The following KCNIP4 variants were observed in gnomAD, a reference collection of about 807,000 sequenced individuals.
The protein encoded by KCNIP4 is Kv channel-interacting protein 4.
Under a neutral mutation model 34.0 loss-of-function variants are expected in KCNIP4, and 12 were observed. That is an observed-to-expected ratio of 0.35 (90% CI 0.23 to 0.57). KCNIP4 has a LOEUF of 0.57. KCNIP4 is among the 20% of genes least tolerant of loss of function. The pLI, the probability that KCNIP4 is intolerant of heterozygous loss-of-function variation, is 0.83. For synonymous variants in KCNIP4, 124 were observed against 102.2 expected, an observed-to-expected ratio of 1.21 and a Z score of -1.29; for missense variants, 238 against 311.7, an observed-to-expected ratio of 0.76 and a Z score of 1.78.
intron 3 of KCNIP4, among the ~76,000 whole-genome samples, chr4:20,790,449 A>T (rs542224048): frequency 1.3e-5 from 2 of 152,224 alleles, no homozygotes; most frequent in Non-Finnish European, 2.9e-5. Context: ...AAACATTTTA[A>T]TTTTTAAAAG....
chr4:20,904,482 C>T (rs551652201), intron 1 of KCNIP4, among the ~76,000 whole-genome samples: 8 of 151,922 alleles, frequency 5.3e-5, no homozygotes, highest in African/African-American at 1.4e-4. Flanking sequence ...AATAATTAAA[C>T]AGTATAATTT....
At chr4:21,235,064 T>C (rs1759253852) in intron 1 of KCNIP4, among the ~76,000 whole-genome samples, 1 of 152,132 alleles carries the variant, frequency 6.6e-6, no homozygotes. Context: ...ATAACTACTA[T>C]AACATAAAAG....
intron 2 of KCNIP4, among the ~76,000 whole-genome samples, chr4:20,865,862 GT>G (rs1383132125): frequency 6.6e-6 from 1 of 151,952 alleles, no homozygotes; most frequent in African/African-American, 2.4e-5. Flanking sequence ...ATAAAAATGG[GT>G]AACTATCTGA....
chr4:21,123,536 C>G (rs985490271), intron 1 of KCNIP4, among the ~76,000 whole-genome samples: 12 of 152,136 alleles, frequency 7.9e-5, no homozygotes, highest in African/African-American at 2.9e-4. Flanking sequence ...ATATCTATCA[C>G]TATTTACTAT....
At chr4:21,854,838 A>C (rs942959632) in intron 1 of KCNIP4, among the ~76,000 whole-genome samples, 3 of 152,202 alleles carry the variant, frequency 2.0e-5, no homozygotes, top group Non-Finnish European at 4.4e-5. Flanking sequence ...TAAGAGTGCT[A>C]ATACAACATT....
intron 1 of KCNIP4, among the ~76,000 whole-genome samples, chr4:21,588,689 G>T (rs1322504678): frequency 6.6e-6 from 1 of 151,864 alleles, no homozygotes; most frequent in Non-Finnish European, 1.5e-5. Flanking sequence ...GGTAATGGAA[G>T]GAACAATAAC....
At chr4:21,301,042 T>C (rs1430405510) in intron 1 of KCNIP4, among the ~76,000 whole-genome samples, 1 of 152,152 alleles carries the variant, frequency 6.6e-6, no homozygotes, top group Admixed American at 6.5e-5. Flanking sequence ...ACCTGCTAAC[T>C]GTAACTCTTG....
At chr4:21,820,888 T>C (rs933436519) in intron 1 of KCNIP4, among the ~76,000 whole-genome samples, 1 of 152,132 alleles carries the variant, frequency 6.6e-6, no homozygotes, top group Non-Finnish European at 1.5e-5. Context: ...GACACTGAGG[T>C]TGAAAAATAA....
At chr4:21,260,207 G>A (rs1207612624) in intron 1 of KCNIP4, among the ~76,000 whole-genome samples, 1 of 152,034 alleles carries the variant, frequency 6.6e-6, no homozygotes, top group Non-Finnish European at 1.5e-5. Flanking sequence ...GCCTTACTGT[G>A]CTTTCATAAA....
intron 1 of KCNIP4, among the ~76,000 whole-genome samples, chr4:21,819,611 A>G (rs1006173681): frequency 6.6e-6 from 1 of 152,208 alleles, no homozygotes; most frequent in Non-Finnish European, 1.5e-5. Context: ...AATGAAAAAA[A>G]GAAGAAGAAT....
intron 1 of KCNIP4, among the ~76,000 whole-genome samples, chr4:21,126,912 G>T (rs1256075701): frequency 6.6e-6 from 1 of 152,158 alleles, no homozygotes; most frequent in African/African-American, 2.4e-5. Context: ...CAGGTAGAAA[G>T]AAGACTGGTA....
In KCNIP4 at chr4:21,345,418, T is replaced by C. The variant is rs74491074; in HGVS notation, c.62-462709A>G. 2.7e-3 allele frequency among the ~76,000 whole-genome samples: 415 copies of C among 152,260 alleles called. 2 individuals are homozygous for C. The highest frequency in any genetic ancestry group is 9.1e-3 in the African/African-American group (380 of 41,562). On this transcript the variant is annotated intron_variant, in intron 1 of 8. Coordinates refer to ENST00000382152, the MANE Select transcript of KCNIP4 (RefSeq NM_025221.6). ...ATGAAAACGGTGAGATAAATTTTTG[T>C]TGTTTTAAGCCACTAAGTTTGAGGT...
chr4:20,863,632 G>A (rs527824834), intron 2 of KCNIP4, among the ~76,000 whole-genome samples: 52 of 152,244 alleles, frequency 3.4e-4, no homozygotes, highest in Non-Finnish European at 6.2e-4. Context: ...CTTTCCCAAG[G>A]TTAGTTCAGC....
chr4:21,670,075 A>G (rs141256186), intron 1 of KCNIP4, among the ~76,000 whole-genome samples: 1,769 of 152,304 alleles, frequency 0.012, 34 homozygotes, highest in African/African-American at 0.04. Flanking sequence ...TTTATATAAA[A>G]TACTCATAAA....
intron 1 of KCNIP4, among the ~76,000 whole-genome samples, chr4:21,210,658 A>C (rs754554064): frequency 2.0e-5 from 3 of 151,944 alleles, no homozygotes; most frequent in Non-Finnish European, 4.4e-5. Flanking sequence ...ACTTTATATT[A>C]CTATAAAAAT....
At chr4:21,136,151 T>C (rs16870438) in intron 1 of KCNIP4, among the ~76,000 whole-genome samples, 2,608 of 152,278 alleles carry the variant, frequency 0.017, 81 homozygotes, top group African/African-American at 0.058. Context: ...AGCCTTGAAA[T>C]GTTTCCGGAT....
intron 1 of KCNIP4, among the ~76,000 whole-genome samples, chr4:21,496,756 G>A (rs1039789027): frequency 6.6e-6 from 1 of 152,122 alleles, no homozygotes; most frequent in Non-Finnish European, 1.5e-5. Flanking sequence ...GTCAGATCTG[G>A]GTGGCATTAG....
chr4:21,204,485 T>C (rs546069618), intron 1 of KCNIP4, among the ~76,000 whole-genome samples: 1 of 152,264 alleles, frequency 6.6e-6, no homozygotes, highest in African/African-American at 2.4e-5. Context: ...GGATTAACGT[T>C]TAGATGACCC....
chr4:20,925,627 T>C, intron 1 of KCNIP4, among the ~76,000 whole-genome samples: 1 of 152,206 alleles, frequency 6.6e-6, no homozygotes, highest in East Asian at 1.9e-4. Context: ...GTGAACTTGC[T>C]TTCACATTAC....
Sources: gnomAD v4.1 joint callset for allele counts (sites outside exome capture counted in the v4.1 genomes callset) on GRCh38, gnomAD v4.1.1 for gene constraint, MANE v1.5 for transcripts, NCBI Gene and HGNC (gene_info 2026-07-23, HGNC 2026-07-21) for gene names.